SLC4A10: variants seen among roughly 807,000 people sequenced by gnomAD.
The protein encoded by SLC4A10 is sodium-driven chloride bicarbonate exchanger.
Under a neutral mutation model 137.7 loss-of-function variants are expected in SLC4A10, and 42 were observed. The observed-to-expected ratio is 0.30, with a 90% CI of 0.24 to 0.39. The LOEUF (loss-of-function observed/expected upper bound fraction) is 0.39, where lower values mean the gene tolerates loss of function less well. Among genes scored for constraint, SLC4A10 ranks in the 10% least tolerant of loss-of-function variants. The probability of loss-of-function intolerance (pLI) is 1.00; values close to 1 mark genes in which losing one functional copy is unlikely to be tolerated. For synonymous variants in SLC4A10, 474 were observed against 464.1 expected (o/e 1.02, Z -0.27); for missense variants, 925 against 1,355.0 (o/e 0.68, Z 4.98).
chr2:161,913,959 T>G (rs1686494542), intron 15 of SLC4A10, among the ~76,000 whole-genome samples: 1 of 152,236 alleles, frequency 6.6e-6, no homozygotes, highest in South Asian at 2.1e-4. Flanking sequence ...TCATCTCTAC[T>G]CTGCTGGATG....
chr2:161,643,925 A>G (rs945909574), intron 1 of SLC4A10, among the ~76,000 whole-genome samples: 1 of 152,170 alleles, frequency 6.6e-6, no homozygotes, highest in African/African-American at 2.4e-5. Context: ...AATAGAATGG[A>G]GTGATTCCAA....
chr2:161,897,703 C>T (rs556016687), intron 11 of SLC4A10, among the ~76,000 whole-genome samples: 10 of 152,090 alleles, frequency 6.6e-5, no homozygotes, highest in African/African-American at 1.9e-4. Context: ...AAAAAGTTGC[C>T]TAATAATTAA....
chr2:161,919,214 G>A (rs549056445), intron 15 of SLC4A10, among the ~76,000 whole-genome samples: 15 of 152,178 alleles, frequency 9.9e-5, no homozygotes, highest in Non-Finnish European at 1.8e-4. Flanking sequence ...AGGTGGGGCT[G>A]AAGGTGGCTT....
chr2:161,800,838 C>G (rs1019170520), intron 2 of SLC4A10, among the ~76,000 whole-genome samples: 1 of 151,940 alleles, frequency 6.6e-6, no homozygotes, highest in Non-Finnish European at 1.5e-5. Flanking sequence ...CAGAATGGAG[C>G]AAAGAAATAC....
At chr2:161,905,099 T>G (rs537887584) in intron 14 of SLC4A10, among the ~76,000 whole-genome samples, 190 bp downstream of exon 14, 4 of 152,190 alleles carry the variant, frequency 2.6e-5, no homozygotes, top group African/African-American at 9.7e-5. Context: ...TTATGTAATA[T>G]TTTTAAAAAG....
At chr2:161,797,192 C>A (rs1181552009) in intron 2 of SLC4A10, among the ~76,000 whole-genome samples, 1 of 152,022 alleles carries the variant, frequency 6.6e-6, no homozygotes, top group East Asian at 1.9e-4. Context: ...TCTCATCTTG[C>A]CTTTTCTTCC....
intron 1 of SLC4A10, among the ~76,000 whole-genome samples, chr2:161,645,245 G>A (rs2035875717): frequency 6.6e-6 from 1 of 150,682 alleles, no homozygotes; most frequent in Non-Finnish European, 1.5e-5. Context: ...TTTCTCTCTT[G>A]GCTTTATATG....
chr2:161,688,905 A>G (rs2041703800), intron 1 of SLC4A10, among the ~76,000 whole-genome samples: 1 of 152,148 alleles, frequency 6.6e-6, no homozygotes, highest in Non-Finnish European at 1.5e-5. Context: ...CTGTTACTTA[A>G]TGGTGTCTTG....
At chr2:161,726,895 C>T (rs1192597625) in intron 1 of SLC4A10, among the ~76,000 whole-genome samples, 3 of 152,166 alleles carry the variant, frequency 2.0e-5, no homozygotes, top group Admixed American at 1.3e-4. Context: ...GGCAACAGAG[C>T]AAGACTCTGT....
chr2:161,682,574 C>T (rs181871814), intron 1 of SLC4A10, among the ~76,000 whole-genome samples: 1 of 152,132 alleles, frequency 6.6e-6, no homozygotes, highest in East Asian at 1.9e-4. Flanking sequence ...ACACACCACC[C>T]TAAAAGTAAT....
rs146401302 is a variant in SLC4A10, at chr2:161,868,023, G to A, written c.767-4270G>A. Reference sequence around the variant, plus strand: ...TCATCCCAGTTTCCTTCTAGTGCACGTGATTTACAGTGGATTAAGCAGTAG... The same window carrying A: ...TCATCCCAGTTTCCTTCTAGTGCACATGATTTACAGTGGATTAAGCAGTAG... On this transcript the variant is annotated intron_variant, in intron 6 of 26. Transcript: ENST00000446997. Among the ~76,000 whole-genome samples the A allele has an allele frequency of 9.9e-4, 150 of 151,878 alleles. 1 individual carries two copies. Among genetic ancestry groups the A allele is most frequent in the African/African-American group, 3.4e-3 (142 of 41,472 alleles).
chr2:161,885,733 G>A (rs918711358), intron 10 of SLC4A10, among the ~76,000 whole-genome samples: 13 of 152,226 alleles, frequency 8.5e-5, no homozygotes, highest in African/African-American at 2.9e-4. Flanking sequence ...TTTTGTGTAT[G>A]TAGATATGTT....
At chr2:161,685,999 T>C (rs1245628046) in intron 1 of SLC4A10, among the ~76,000 whole-genome samples, 1 of 152,156 alleles carries the variant, frequency 6.6e-6, no homozygotes, top group Non-Finnish European at 1.5e-5. Flanking sequence ...CACAAGATTC[T>C]GGGCCCAAAG....
chr2:161,781,582 G>T (rs997947303), intron 2 of SLC4A10, among the ~76,000 whole-genome samples: 4 of 152,042 alleles, frequency 2.6e-5, no homozygotes. Context: ...TGTGCCAAGA[G>T]TAAACAAACT....
At chr2:161,905,968 A>G (rs1223169423) in intron 15 of SLC4A10, 81 bp downstream of exon 15, 1 of 1,483,666 alleles carries the variant, frequency 6.7e-7, no homozygotes, top group Non-Finnish European at 9.0e-7. Flanking sequence ...TGAGGAAATT[A>G]CTCAGCAGAG....
chr2:161,867,272 T>G (rs768558068), intron 6 of SLC4A10, among the ~76,000 whole-genome samples: 24 of 152,000 alleles, frequency 1.6e-4, no homozygotes, highest in Non-Finnish European at 2.2e-4. Flanking sequence ...TTCAGATGCA[T>G]GCTGTCTTTA....
intron 15 of SLC4A10, among the ~76,000 whole-genome samples, chr2:161,935,104 G>A (rs1691341411): frequency 6.6e-6 from 1 of 152,070 alleles, no homozygotes; most frequent in South Asian, 2.1e-4. Flanking sequence ...TTCCACATGT[G>A]GATATTCAGT....
intron 1 of SLC4A10, among the ~76,000 whole-genome samples, chr2:161,633,597 T>C (rs2033942268): frequency 6.6e-6 from 1 of 151,754 alleles, no homozygotes; most frequent in Admixed American, 6.6e-5. Context: ...AAATACGTGT[T>C]ATATCATTTA....
At chr2:161,778,835 A>T (rs558852681) in intron 2 of SLC4A10, among the ~76,000 whole-genome samples, 1 of 152,096 alleles carries the variant, frequency 6.6e-6, no homozygotes, top group East Asian at 1.9e-4. Context: ...TAGTGGAGAA[A>T]ATAATGCCCC....
Sources: allele counts gnomAD v4.1 joint callset (sites outside exome capture counted in the v4.1 genomes callset), GRCh38; gene constraint gnomAD v4.1.1; transcripts MANE v1.5; gene names NCBI Gene and HGNC (gene_info 2026-07-23, HGNC 2026-07-21).